Variants in NXPE4 observed in about 807,000 individuals in gnomAD.
NXPE4 encodes the protein neurexophilin and PC-esterase domain family member 4.
Under a neutral mutation model 33.3 loss-of-function variants are expected in NXPE4, and 42 were observed. The ratio of observed to expected loss-of-function variants is 1.26; its 90% CI spans 0.98 to 1.63. The LOEUF (loss-of-function observed/expected upper bound fraction) is 1.63, where lower values mean the gene tolerates loss of function less well. Ranked by LOEUF, NXPE4 falls within the 40% of genes most tolerant of loss-of-function variation. The probability of loss-of-function intolerance (pLI) is 0.00; values close to 1 mark genes in which losing one functional copy is unlikely to be tolerated. For synonymous variants in NXPE4, 253 were observed against 234.9 expected, an observed-to-expected ratio of 1.08 and a Z score of -0.71; for missense variants, 709 against 647.6, an observed-to-expected ratio of 1.09 and a Z score of -1.03.
chr11:114,621,156 C>G, the NXPE4 span, among the ~76,000 whole-genome samples: 74 of 152,260 alleles, frequency 4.9e-4, no homozygotes, highest in African/African-American at 1.8e-3. Flanking sequence ...AACACTGTTA[C>G]CCAGTGGATA....
the NXPE4 span, among the ~76,000 whole-genome samples, chr11:114,655,985 A>G: frequency 2.6e-5 from 4 of 152,158 alleles, no homozygotes; most frequent in African/African-American, 9.6e-5. Context: ...AGGAAGTCAA[A>G]TTGTCTCTCT....
the NXPE4 span, among the ~76,000 whole-genome samples, chr11:114,623,814 C>T: frequency 8.5e-5 from 13 of 152,244 alleles, no homozygotes; most frequent in South Asian, 1.2e-3. Flanking sequence ...AGAATTGCCT[C>T]GTGGGTAACC....
chr11:114,589,578 A>G (rs1949393208), intron 2 of NXPE4, among the ~76,000 whole-genome samples: 1 of 152,190 alleles, frequency 6.6e-6, no homozygotes, highest in African/African-American at 2.4e-5. Flanking sequence ...CATGTGGGCC[A>G]GCATACTTAT....
rs372817926 is a variant in NXPE4, at chr11:114,571,418, C to G, written c.1155G>C (p.Val385=). 2.0e-5 allele frequency: 32 copies of G among 1,612,408 alleles called. No homozygotes were observed. The highest frequency in any genetic ancestry group is 2.6e-5 in the Non-Finnish European group (31 of 1,178,730). Residue 385 remains valine, a synonymous_variant, in exon 6 of 6, where the codon GTG becomes GTC. Coordinates refer to ENST00000375478, the MANE Select transcript of NXPE4 (RefSeq NM_001077639.2). ...ESGKLQHQLA[V]DLDRNINIQW... ...GGATGTTGATGTTCCTATCCAAATC[C>G]ACAGCAAGCTGGTGTTGCAATTTTC...
At chr11:114,626,488 A>T in the NXPE4 span, among the ~76,000 whole-genome samples, 2 of 152,326 alleles carry the variant, frequency 1.3e-5, no homozygotes, top group East Asian at 3.9e-4. Context: ...AGGAAAACTA[A>T]CAGAAAGGAC....
the NXPE4 span, among the ~76,000 whole-genome samples, chr11:114,604,431 T>G: frequency 7.1e-6 from 1 of 141,426 alleles, no homozygotes; most frequent in Non-Finnish European, 1.5e-5. Flanking sequence ...TGGGTAACCA[T>G]TGTTACCCGG....
Position 114,571,124 on chromosome 11 carries a change from A to T in NXPE4, c.1449T>A (p.Asp483Glu), listed in dbSNP as rs1353301828. The change falls in exon 6 of 6, where the codon GAT (aspartate) becomes GAA (glutamate). Residue 483 changes from aspartate to glutamate, a missense_variant. Transcript: ENST00000375478. ...KTENIREMYNDAERFSDFHGY... is the reference protein window; with the variant it reads ...KTENIREMYNEAERFSDFHGY... ...CATGAAAGTCACTAAATCTTTCTGC[A>T]TCATTGTACATCTCCCTGATGTTTT... is the stretch of plus-strand genomic sequence containing the variant. The T allele has an allele frequency of 1.9e-5, 30 of 1,613,982 alleles. No homozygotes were observed. The East Asian group carries it at 6.2e-4, about 34-fold the overall frequency.
At chr11:114,612,422 A>G in the NXPE4 span, among the ~76,000 whole-genome samples, 1 of 151,858 alleles carries the variant, frequency 6.6e-6, no homozygotes, top group Non-Finnish European at 1.5e-5. Flanking sequence ...GTGGATAATA[A>G]GTGTTGCCTC....
intron 2 of NXPE4, among the ~76,000 whole-genome samples, chr11:114,585,595 G>A (rs905673599): frequency 4.7e-5 from 7 of 149,170 alleles, no homozygotes; most frequent in Admixed American, 2.0e-4. Context: ...ATATATGTAC[G>A]TGTGTGTGTG....
chr11:114,571,598 G>A (rs1228873764), intron 5 of NXPE4, 125 bp from the exon 6 acceptor site: 3 of 908,120 alleles, frequency 3.3e-6, no homozygotes, highest in Admixed American at 2.5e-5. Context: ...TTTATTATAG[G>A]TTTAGATGAG....
the NXPE4 span, among the ~76,000 whole-genome samples, chr11:114,614,845 G>A: frequency 2.0e-5 from 3 of 151,920 alleles, no homozygotes; most frequent in African/African-American, 7.2e-5. Context: ...GATAACAAGT[G>A]TTGCCTTATG....
the NXPE4 span, among the ~76,000 whole-genome samples, chr11:114,606,463 C>T: frequency 1.4e-5 from 2 of 147,394 alleles, no homozygotes; most frequent in South Asian, 4.3e-4. Flanking sequence ...TAATGTGTTG[C>T]CTCTAGGGTA....
chr11:114,635,062 C>A, the NXPE4 span, among the ~76,000 whole-genome samples: 4 of 151,898 alleles, frequency 2.6e-5, no homozygotes, highest in African/African-American at 9.7e-5. Flanking sequence ...GGTAGTATGG[C>A]CATTTTCACG....
the NXPE4 span, among the ~76,000 whole-genome samples, chr11:114,605,259 G>A: frequency 1.9e-3 from 294 of 151,252 alleles, 1 homozygote; most frequent in African/African-American, 5.3e-3. Context: ...GTACAGCCTC[G>A]TGGGAAACCA....
At chr11:114,591,897 A>G (rs1413399121) in intron 2 of NXPE4, among the ~76,000 whole-genome samples, 1 of 152,140 alleles carries the variant, frequency 6.6e-6, no homozygotes, top group Non-Finnish European at 1.5e-5. Flanking sequence ...TTGAAAGTCC[A>G]TTTGTCAGGT....
At chr11:114,626,655 G>A in the NXPE4 span, among the ~76,000 whole-genome samples, 1 of 152,218 alleles carries the variant, frequency 6.6e-6, no homozygotes, top group Non-Finnish European at 1.5e-5. Context: ...ACCAGCAACA[G>A]AACAAAGCTG....
At chr11:114,647,675 A>T in the NXPE4 span, among the ~76,000 whole-genome samples, 4 of 151,554 alleles carry the variant, frequency 2.6e-5, no homozygotes, top group Admixed American at 6.6e-5. Context: ...TCTTTCTCTC[A>T]ATCAGTATTT....
the NXPE4 span, among the ~76,000 whole-genome samples, chr11:114,609,563 C>G: frequency 2.0e-5 from 3 of 151,794 alleles, no homozygotes; most frequent in African/African-American, 4.8e-5. Flanking sequence ...AGTATTGCCT[C>G]CTGGGTAACC....
At chr11:114,652,278 G>A in the NXPE4 span, among the ~76,000 whole-genome samples, 16 of 152,192 alleles carry the variant, frequency 1.1e-4, no homozygotes, top group Admixed American at 1.0e-3. Flanking sequence ...TCTGGAAGGG[G>A]AAATGATGCC....
Sources: allele counts gnomAD v4.1 joint callset (sites outside exome capture counted in the v4.1 genomes callset), GRCh38; gene constraint gnomAD v4.1.1; transcripts MANE v1.5; gene names NCBI Gene and HGNC (gene_info 2026-07-23, HGNC 2026-07-21).